LTBP1: variants seen among roughly 807,000 people sequenced by gnomAD.
LTBP1 encodes latent transforming growth factor beta binding protein 1.
LTBP1 carries 129 observed loss-of-function variants against 207.6 expected under a neutral mutation model. That is an observed-to-expected ratio of 0.62 (90% CI 0.54 to 0.72). The LOEUF is 0.72. LTBP1 is among the 30% of genes least tolerant of loss of function. LTBP1 has a pLI of 0.00. For synonymous variants in LTBP1, 963 were observed against 833.7 expected, an observed-to-expected ratio of 1.16 and a Z score of -2.67; for missense variants, 2,281 against 2,217.2, an observed-to-expected ratio of 1.03 and a Z score of -0.58.
In LTBP1 at chr2:32,951,474, G is replaced by A. The variant is rs1050832276; in HGVS notation, c.565+2529G>A. Among the ~76,000 whole-genome samples, 4 of 152,224 alleles carry A rather than the reference G, an allele frequency of 2.6e-5. No homozygotes were observed. The East Asian group carries it at 5.8e-4, about 22-fold the overall frequency. On this transcript the variant is annotated intron_variant, in intron 2 of 33. Coordinates refer to ENST00000404816, the MANE Select transcript of LTBP1 (RefSeq NM_206943.4). Reference sequence around the variant, plus strand: ...GAGCTGAGAGAGCCTTCTACCTTCAGATGGGACCACTGGGGCTCCTGCTGA... The same window carrying A: ...GAGCTGAGAGAGCCTTCTACCTTCAAATGGGACCACTGGGGCTCCTGCTGA...
intron 4 of LTBP1, among the ~76,000 whole-genome samples, chr2:33,131,670 AATTAG>A (rs2081805058): frequency 1.3e-5 from 2 of 152,258 alleles, no homozygotes; most frequent in South Asian, 4.1e-4. Flanking sequence ...TCTGTTTTAG[AATTAG>A]ATTACTTTAT....
intron 10 of LTBP1, among the ~76,000 whole-genome samples, chr2:33,251,664 C>T (rs1380448291): frequency 4.6e-5 from 3 of 65,844 alleles, no homozygotes; most frequent in African/African-American, 1.3e-4. Flanking sequence ...GACTCAGTCT[C>T]AAAAAAAAAA....
chr2:33,106,408 A>G (rs111899828), intron 3 of LTBP1, among the ~76,000 whole-genome samples: 294 of 152,338 alleles, frequency 1.9e-3, no homozygotes, highest in African/African-American at 6.4e-3. Context: ...AGGAATCACT[A>G]TCTATGGCAG....
chr2:33,194,938 T>C (rs1443228330), intron 7 of LTBP1, among the ~76,000 whole-genome samples: 1 of 152,232 alleles, frequency 6.6e-6, no homozygotes, highest in African/African-American at 2.4e-5. Flanking sequence ...TTAAGAACTA[T>C]GTTAAATGTA....
intron 19 of LTBP1, among the ~76,000 whole-genome samples, chr2:33,284,112 T>A (rs1233124176): frequency 6.6e-6 from 1 of 152,248 alleles, no homozygotes; most frequent in African/African-American, 2.4e-5. Flanking sequence ...GACTAAATGA[T>A]GAACTTGGTG....
intron 3 of LTBP1, among the ~76,000 whole-genome samples, chr2:33,029,721 G>A (rs1290189392): frequency 6.6e-6 from 1 of 152,152 alleles, no homozygotes; most frequent in Non-Finnish European, 1.5e-5. Context: ...ACATGTCAGT[G>A]TCTGACTCCG....
chr2:33,393,197 C>T (rs1273876521), intron 32 of LTBP1, among the ~76,000 whole-genome samples: 1 of 150,238 alleles, frequency 6.7e-6, no homozygotes, highest in Non-Finnish European at 1.5e-5. Flanking sequence ...CTTCCCTCCT[C>T]CCACCCTCCA....
At position 32,980,541 on chromosome 2, in the gene LTBP1, G is replaced by A. The variant is rs1682602539; in HGVS notation, c.565+31596G>A. Among the ~76,000 whole-genome samples, 8 of 152,116 alleles carry A rather than the reference G, an allele frequency of 5.3e-5. No homozygotes were observed. The South Asian group carries it at 1.7e-3, about 32-fold the overall frequency. ...TTGTAGTTTCTATTTATATCTTACT[G>A]TACTGTGTATTTCTTGAAAAGTTGT... is the stretch of plus-strand genomic sequence containing the variant. On this transcript the variant is annotated intron_variant, in intron 2 of 33. Coordinates refer to ENST00000404816, the MANE Select transcript of LTBP1 (RefSeq NM_206943.4).
chr2:33,171,953 A>G (rs2085499487), intron 5 of LTBP1, among the ~76,000 whole-genome samples: 1 of 152,214 alleles, frequency 6.6e-6, no homozygotes, highest in Admixed American at 6.5e-5. Context: ...AGACAAGCAA[A>G]TGCTGAGAGA....
intron 3 of LTBP1, among the ~76,000 whole-genome samples, chr2:33,074,459 G>A (rs185334120): frequency 2.0e-5 from 3 of 152,206 alleles, no homozygotes; most frequent in South Asian, 2.1e-4. Context: ...AAAAAAGGCC[G>A]GGCATGGTGG....
intron 7 of LTBP1, among the ~76,000 whole-genome samples, chr2:33,205,747 A>G (rs562805381): frequency 6.6e-6 from 1 of 152,306 alleles, no homozygotes; most frequent in African/African-American, 2.4e-5. Flanking sequence ...TGAAGCCCCA[A>G]ACCCCAATGC....
At chr2:33,168,474 T>C (rs2085131812) in intron 5 of LTBP1, among the ~76,000 whole-genome samples, 1 of 151,918 alleles carries the variant, frequency 6.6e-6, no homozygotes, top group Non-Finnish European at 1.5e-5. Context: ...GGATTTTTAA[T>C]CTATCAGATT....
intron 23 of LTBP1, among the ~76,000 whole-genome samples, chr2:33,311,375 T>C (rs760331631): frequency 5.3e-5 from 8 of 152,078 alleles, no homozygotes; most frequent in Non-Finnish European, 8.8e-5. Context: ...TGCAATAAGG[T>C]GAAATTCAAT....
intron 3 of LTBP1, among the ~76,000 whole-genome samples, chr2:33,101,596 A>C (rs995502564): frequency 2.7e-4 from 41 of 152,366 alleles, no homozygotes; most frequent in African/African-American, 9.9e-4. Flanking sequence ...CTTAGAATTC[A>C]GTTAAAAAGT....
At chr2:33,137,308 T>C (rs1327523159) in intron 5 of LTBP1, among the ~76,000 whole-genome samples, 1 of 152,278 alleles carries the variant, frequency 6.6e-6, no homozygotes, top group Non-Finnish European at 1.5e-5. Flanking sequence ...GGAAAATAGT[T>C]TAAAATTTGG....
intron 5 of LTBP1, among the ~76,000 whole-genome samples, chr2:33,159,844 A>G (rs1257060761): frequency 2.6e-5 from 4 of 152,124 alleles, no homozygotes; most frequent in African/African-American, 9.7e-5. Context: ...ATTTCCATGT[A>G]CCGATTAGAA....
chr2:33,156,553 A>C (rs557503698), intron 5 of LTBP1, among the ~76,000 whole-genome samples: 1 of 152,208 alleles, frequency 6.6e-6, no homozygotes, highest in South Asian at 2.1e-4. Context: ...TGAGGGTTAA[A>C]TGACAGCATG....
intron 5 of LTBP1, among the ~76,000 whole-genome samples, chr2:33,149,242 A>AAC (rs1558707565): frequency 2.0e-5 from 3 of 146,472 alleles, no homozygotes; most frequent in Non-Finnish European, 3.0e-5. Context: ...AAAAAAAAAA[A>AAC]AAAAAAAAAA....
Position 33,273,668 on chromosome 2 carries a change from G to A in LTBP1, c.2630G>A (p.Cys877Tyr), listed in dbSNP as rs761160813. 1 of 1,604,266 alleles carries A rather than the reference G, an allele frequency of 6.2e-7. No homozygotes were observed. Among genetic ancestry groups the A allele is most frequent in the South Asian group, 1.1e-5 (1 of 88,788 alleles). ...TTTACTTTTAAAGAAATCAATGAAT[G>A]TACTGTGAACCCTGATATCTGTGGA... Reference protein sequence around the residue: ...APTQVTEINECTVNPDICGAG... With the variant: ...APTQVTEINEYTVNPDICGAG... The change falls in exon 16 of 34, where the codon TGT becomes TAT. Residue 877 changes from cysteine (C) to tyrosine (Y), a missense_variant. Around this residue, in one of 3 missense-constraint regions of LTBP1, gnomAD observed 1,671 missense variants for 1,634.8 expected, o/e 1.02. Coordinates refer to ENST00000404816, the MANE Select transcript of LTBP1 (RefSeq NM_206943.4).
Sources: gnomAD v4.1 joint callset for allele counts (sites outside exome capture counted in the v4.1 genomes callset) on GRCh38, gnomAD v4.1.1 for gene constraint, gnomAD v4.1.1 regional missense constraint, MANE v1.5 for transcripts, NCBI Gene and HGNC (gene_info 2026-07-23, HGNC 2026-07-21) for gene names.